Variants in ARMH3 observed in about 807,000 individuals in gnomAD.
The protein encoded by ARMH3 is armadillo like helical domain containing 3.
Under a neutral mutation model 99.1 loss-of-function variants are expected in ARMH3, and 60 were observed. The ratio of observed to expected loss-of-function variants is 0.61; its 90% confidence interval spans 0.49 to 0.75. The LOEUF (loss-of-function observed/expected upper bound fraction) is 0.75. Among genes scored for constraint, ARMH3 ranks in the 30% least tolerant of loss-of-function variants. The probability of loss-of-function intolerance (pLI) is 0.00; values close to 1 mark genes in which losing one functional copy is unlikely to be tolerated. For synonymous variants in ARMH3, 285 were observed against 292.8 expected (o/e 0.97, Z 0.27); for missense variants, 679 against 843.1 (o/e 0.81, Z 2.41).
intron 12 of ARMH3, 78 bp downstream of exon 12, chr10:102,009,899 A>G: frequency 7.6e-7 from 1 of 1,320,530 alleles, no homozygotes; most frequent in Non-Finnish European, 1.1e-6. Flanking sequence ...AGCAAGAGGT[A>G]ACACTGCACA....
In ARMH3 at chr10:102,023,482, A is replaced by G; in HGVS notation, c.664T>C (p.Tyr222His). 1 of 1,613,540 alleles carries G rather than the reference A, an allele frequency of 6.2e-7. No homozygotes were observed. Among genetic ancestry groups the G allele is most frequent in the Non-Finnish European group, 8.5e-7 (1 of 1,179,582 alleles). Residue 222 changes from tyrosine (Y) to histidine (H), a missense_variant, in exon 8 of 26, where the codon TAT (tyrosine) becomes CAT (histidine). Physicochemically the swap from Tyr to His is moderately conservative, Grantham distance 83. Coordinates refer to ENST00000370033, the MANE Select transcript of ARMH3 (RefSeq NM_024541.3). ...LLALLVNYRK[Y>H]ESVNPYIVKL... is the part of the protein sequence containing the mutation. ...CCACTAAGGAGCCCAGTTACCTCAT[A>G]TTTTCTATAGTTCACCAGCAAAGCC... is the stretch of plus-strand genomic sequence containing the variant.
intron 20 of ARMH3, among the ~76,000 whole-genome samples, chr10:101,964,577 G>A (rs906965578): frequency 7.2e-5 from 11 of 152,172 alleles, no homozygotes; most frequent in Non-Finnish European, 1.6e-4. Context: ...TGACAACATA[G>A]ATGAACCTTG....
intron 23 of ARMH3, among the ~76,000 whole-genome samples, chr10:101,918,276 A>C (rs1014954294): frequency 1.3e-5 from 2 of 152,048 alleles, no homozygotes; most frequent in Non-Finnish European, 2.9e-5. Context: ...CTGGTCTCGA[A>C]CTCCTGACCT....
intron 24 of ARMH3, among the ~76,000 whole-genome samples, chr10:101,885,982 G>A (rs61873594): frequency 0.049 from 7,483 of 151,622 alleles, 202 homozygotes; most frequent in Middle Eastern, 0.096. Context: ...GATTGAACCC[G>A]AGAAGCAGAG....
At chr10:101,967,134 C>T (rs1258872011) in intron 20 of ARMH3, among the ~76,000 whole-genome samples, 3 of 152,146 alleles carry the variant, frequency 2.0e-5, no homozygotes, top group East Asian at 3.8e-4. Flanking sequence ...TTAGGTACCA[C>T]AGAACCCAAA....
Position 101,957,680 on chromosome 10 carries a change from G to C in ARMH3, c.1548C>G (p.Ala516=). 1 of 1,610,184 alleles carries C rather than the reference G, an allele frequency of 6.2e-7. No homozygotes were observed. Among genetic ancestry groups the C allele is most frequent in the Non-Finnish European group, 8.5e-7 (1 of 1,178,944 alleles). Residue 516 remains alanine (A), a synonymous_variant, in exon 21 of 26, where the codon GCC becomes GCG. Transcript: ENST00000370033. ...GGGCTAATGTAAAAATGTTGTGTTT[G>C]GCCAAAAGTACAGTCTCATTTGACA... ...FLMSNETVLL[A]KHNIFTLALM... is the part of the protein sequence containing the mutation.
intron 24 of ARMH3, among the ~76,000 whole-genome samples, chr10:101,874,695 C>CT (rs2067218404): frequency 6.6e-6 from 1 of 152,052 alleles, no homozygotes; most frequent in South Asian, 2.1e-4. Flanking sequence ...CTGCTTTTGC[C>CT]TTTTTTATGA....
chr10:101,938,275 G>A (rs1210582963), intron 23 of ARMH3, among the ~76,000 whole-genome samples: 1 of 152,192 alleles, frequency 6.6e-6, no homozygotes, highest in Non-Finnish European at 1.5e-5. Context: ...TTTAAGGAAT[G>A]AAAATGAAGG....
At chr10:102,000,961 C>T (rs1443048022) in intron 15 of ARMH3, among the ~76,000 whole-genome samples, 2 of 152,020 alleles carry the variant, frequency 1.3e-5, no homozygotes, top group Non-Finnish European at 2.9e-5. Flanking sequence ...GGATTACAGG[C>T]ACATGCCACC....
chr10:101,887,884 T>G (rs74727252), intron 24 of ARMH3, among the ~76,000 whole-genome samples: 2 of 151,958 alleles, frequency 1.3e-5, no homozygotes, highest in Admixed American at 6.6e-5. Flanking sequence ...TTGAAAGAAG[T>G]TGGAGGAGGC....
At chr10:101,975,434 AT>A in intron 19 of ARMH3, 134 bp from the exon 20 acceptor site, 2 of 561,278 alleles carry the variant, frequency 3.6e-6, no homozygotes, top group Non-Finnish European at 6.3e-6. Flanking sequence ...ATGCAAAAAA[AT>A]ATACAAAACT....
chr10:102,012,851 G>C lies in ARMH3; in HGVS notation c.752C>G (p.Ala251Gly). The C allele has an allele frequency of 6.2e-7, 1 of 1,611,022 alleles. No homozygotes were observed. The highest frequency in any genetic ancestry group is 8.5e-7 in the Non-Finnish European group (1 of 1,178,292). Residue 251 changes from alanine to glycine, a missense_variant, in exon 10 of 26, where the codon GCT becomes GGT. Ala to Gly is a moderately conservative substitution (Grantham distance 60, BLOSUM62 0). This residue lies in a region of ARMH3 where 280 missense variants were observed against 354.6 expected (regional missense o/e 0.79). Coordinates refer to ENST00000370033, the MANE Select transcript of ARMH3 (RefSeq NM_024541.3). Reference sequence around the variant, plus strand: ...GACTTACCTGTTGTACTCAGATAAAGCCTGAGCAATTACAAGTCCCATTCC... The same window carrying C: ...GACTTACCTGTTGTACTCAGATAAACCCTGAGCAATTACAAGTCCCATTCC... ...LNGMGLVIAQ[A>G]LSEYNRQYKD...
At chr10:102,040,231 C>A in intron 1 of ARMH3, 106 bp from the exon 2 acceptor site, 1 of 900,570 alleles carries the variant, frequency 1.1e-6, no homozygotes, top group East Asian at 2.4e-5. Flanking sequence ...TATACAACAC[C>A]AAGAGTGAAT....
chr10:101,941,331 T>C (rs574041332), intron 22 of ARMH3, among the ~76,000 whole-genome samples: 4 of 152,348 alleles, frequency 2.6e-5, no homozygotes, highest in Non-Finnish European at 5.9e-5. Context: ...TTTTAGCTAT[T>C]ATTAATTTCA....
At chr10:101,894,394 A>G (rs920273647) in intron 23 of ARMH3, among the ~76,000 whole-genome samples, 1 of 152,220 alleles carries the variant, frequency 6.6e-6, no homozygotes, top group African/African-American at 2.4e-5. Flanking sequence ...GAAATGACAG[A>G]AGACTGGAAC....
At chr10:101,976,400 TCTCTCTCTCTCTCA>T (rs1189125973) in intron 19 of ARMH3, among the ~76,000 whole-genome samples, 3 of 126,676 alleles carry the variant, frequency 2.4e-5, no homozygotes, top group Admixed American at 1.7e-4. Flanking sequence ...TCTCTCTCTC[TCTCTCTCTCTCTCA>T]CACACACACA....
chr10:102,001,914 T>C (rs2066370334), intron 15 of ARMH3, 57 bp downstream of exon 15: 2 of 1,458,846 alleles, frequency 1.4e-6, no homozygotes, highest in African/African-American at 1.4e-5. Context: ...TGCTCTTTGA[T>C]GCTAGCTGCC....
At chr10:102,030,924 T>C (rs2067116112) in intron 4 of ARMH3, among the ~76,000 whole-genome samples, 1 of 151,980 alleles carries the variant, frequency 6.6e-6, no homozygotes. Context: ...TAGCTGGAGT[T>C]ACAGGTGTGC....
chr10:101,914,228 C>T (rs2135562838), intron 23 of ARMH3, among the ~76,000 whole-genome samples: 1 of 152,196 alleles, frequency 6.6e-6, no homozygotes, highest in South Asian at 2.1e-4. Flanking sequence ...GTGGCTCACA[C>T]CTGTAATCCC....
Sources: allele counts gnomAD v4.1 joint callset (sites outside exome capture counted in the v4.1 genomes callset), GRCh38; gene constraint gnomAD v4.1.1; regional missense constraint gnomAD v4.1.1; transcripts MANE v1.5; gene names NCBI Gene and HGNC (gene_info 2026-07-23, HGNC 2026-07-21).